PAG1: variants seen among roughly 807,000 people sequenced by gnomAD.
The protein encoded by PAG1 is phosphoprotein associated with glycosphingolipid-enriched microdomains 1.
A neutral mutation model predicts 31.7 loss-of-function variants in PAG1; 23 were observed. The ratio of observed to expected loss-of-function variants is 0.73; its 90% CI spans 0.52 to 1.03. The LOEUF (loss-of-function observed/expected upper bound fraction) is 1.03, where lower values mean the gene tolerates loss of function less well. PAG1 is among the 50% of genes least tolerant of loss of function. The pLI is 0.00. For missense variants in PAG1, 473 were observed against 540.7 expected (o/e 0.87, Z 1.24); for synonymous variants, 214 against 210.3 (o/e 1.02, Z -0.15).
chr8:81,083,232 C>T (rs1409752082), intron 1 of PAG1, among the ~76,000 whole-genome samples: 1 of 152,104 alleles, frequency 6.6e-6, no homozygotes, highest in Non-Finnish European at 1.5e-5. Flanking sequence ...AACAATACTT[C>T]CTGGCTGGGA....
At chr8:81,014,320 C>T (rs979144711) in intron 3 of PAG1, among the ~76,000 whole-genome samples, 8 of 152,210 alleles carry the variant, frequency 5.3e-5, no homozygotes, top group Non-Finnish European at 1.2e-4. Flanking sequence ...TTACTATGTG[C>T]TTAGCACTAT....
intron 1 of PAG1, among the ~76,000 whole-genome samples, chr8:81,098,443 T>A (rs948565078): frequency 6.6e-5 from 10 of 152,220 alleles, no homozygotes; most frequent in African/African-American, 2.4e-4. Context: ...TTTACTCTAG[T>A]GGATTCTCCT....
rs1367643738 is a variant in PAG1, at chr8:80,969,301, TATATTAAAAATAC to T, written c.*7230_*7242del. 6.6e-6 allele frequency: 1 copy of T among 152,200 alleles called. No homozygotes were observed. The highest frequency in any genetic ancestry group is 1.5e-5 in the Non-Finnish European group (1 of 68,034). 9.4% of individuals were successfully genotyped at this position (152,200 alleles called of 1,614,324 possible). A position where few individuals can be genotyped will look rare whatever the true frequency, so the allele number is the denominator to read the frequency against. On this transcript the variant is annotated 3_prime_UTR_variant, in exon 9 of 9. Coordinates refer to ENST00000220597, the MANE Select transcript of PAG1 (RefSeq NM_018440.4). Reference sequence around the variant, plus strand: ...CCACATCAGGTTCATTTATGAGTCTTATATTAAAAATACATAGAAGCTTGTCAAAGGAATGCTC... The same window carrying T: ...CCACATCAGGTTCATTTATGAGTCTTATAGAAGCTTGTCAAAGGAATGCTC...
rs563787512 is a variant in PAG1 at position 81,063,221 on chromosome 8, A to G, written c.-175+6891T>C. Among the ~76,000 whole-genome samples the G allele has an allele frequency of 2.6e-5, 4 of 152,334 alleles. No individual in the cohort carries two copies. In the East Asian group the frequency reaches 7.7e-4, roughly 29 times the overall value. ...TATTCGAGGCTCAGATAAGGCCATGAGAGCCAGGTACTTCCTTCTTAGGGC... is the reference window on the plus strand; with the variant it reads ...TATTCGAGGCTCAGATAAGGCCATGGGAGCCAGGTACTTCCTTCTTAGGGC... On this transcript the variant is annotated intron_variant, in intron 2 of 8. Coordinates refer to ENST00000220597, the MANE Select transcript of PAG1 (RefSeq NM_018440.4).
chr8:81,060,016 C>T (rs1191987933), intron 2 of PAG1, among the ~76,000 whole-genome samples: 1 of 150,096 alleles, frequency 6.7e-6, no homozygotes, highest in Non-Finnish European at 1.5e-5. Flanking sequence ...GAGACTCCAT[C>T]TAAAAAAAAA....
intron 1 of PAG1, among the ~76,000 whole-genome samples, chr8:81,079,732 G>A (rs1586207277): frequency 6.7e-6 from 1 of 148,876 alleles, no homozygotes; most frequent in Admixed American, 6.6e-5. Context: ...ATTATTATGC[G>A]TATCGCATGC....
intron 3 of PAG1, among the ~76,000 whole-genome samples, chr8:81,001,832 C>T (rs1257797781): frequency 6.6e-6 from 1 of 152,186 alleles, no homozygotes; most frequent in Non-Finnish European, 1.5e-5. Flanking sequence ...CACTGCCCAG[C>T]ATGCTCTCAG....
chr8:81,052,499 G>A (rs1808750133), intron 2 of PAG1, among the ~76,000 whole-genome samples: 2 of 152,158 alleles, frequency 1.3e-5, no homozygotes, highest in South Asian at 4.1e-4. Flanking sequence ...TTTCTCTAAA[G>A]CAGAATGTAA....
intron 1 of PAG1, among the ~76,000 whole-genome samples, chr8:81,080,156 G>A (rs1333667215): frequency 6.6e-6 from 1 of 152,074 alleles, no homozygotes; most frequent in Non-Finnish European, 1.5e-5. Flanking sequence ...TTGTAATGAC[G>A]AACACAGTGA....
intron 3 of PAG1, among the ~76,000 whole-genome samples, chr8:81,024,587 A>G (rs559070223): frequency 6.6e-6 from 1 of 152,338 alleles, no homozygotes; most frequent in South Asian, 2.1e-4. Context: ...GTGCCATCCC[A>G]CCACAGAGCT....
chr8:80,999,985 C>A (rs557572431), intron 3 of PAG1, among the ~76,000 whole-genome samples: 1 of 152,114 alleles, frequency 6.6e-6, no homozygotes, highest in African/African-American at 2.4e-5. Flanking sequence ...TCTGACAGAA[C>A]CCTGAGATGC....
In PAG1 at chr8:80,974,928, A is replaced by G. The variant is rs972465485; in HGVS notation, c.*1616T>C. On this transcript the variant is annotated 3_prime_UTR_variant, in exon 9 of 9. Coordinates refer to ENST00000220597, the MANE Select transcript of PAG1 (RefSeq NM_018440.4). Reference sequence around the variant, plus strand: ...AGATCTAAAGAGATGATTAAATTCAAACCAGGCTGAGCTCTTACTCTGAGC... The same window carrying G: ...AGATCTAAAGAGATGATTAAATTCAGACCAGGCTGAGCTCTTACTCTGAGC... The G allele has an allele frequency of 6.6e-6, 1 of 152,222 alleles. No homozygotes were observed. The highest frequency in any genetic ancestry group is 1.5e-5 in the Non-Finnish European group (1 of 68,036). 9.4% of individuals were successfully genotyped at this position (152,222 alleles called of 1,614,324 possible).
At chr8:81,102,030 C>G (rs961540291) in intron 1 of PAG1, among the ~76,000 whole-genome samples, 1 of 152,108 alleles carries the variant, frequency 6.6e-6, no homozygotes, top group Non-Finnish European at 1.5e-5. Context: ...GAACAGAACA[C>G]TAACTCTATG....
At chr8:81,063,663 T>C (rs1173827416) in intron 2 of PAG1, among the ~76,000 whole-genome samples, 2 of 152,170 alleles carry the variant, frequency 1.3e-5, no homozygotes, top group East Asian at 3.9e-4. Context: ...AATGACCAGG[T>C]GTTTCACGAA....
intron 2 of PAG1, among the ~76,000 whole-genome samples, chr8:81,068,053 T>C (rs1809035035): frequency 6.6e-6 from 1 of 152,188 alleles, no homozygotes; most frequent in African/African-American, 2.4e-5. Flanking sequence ...TGCAACACCA[T>C]GTCCGGCTAA....
chr8:81,108,644 A>G (rs930443621), intron 1 of PAG1, among the ~76,000 whole-genome samples: 9 of 152,100 alleles, frequency 5.9e-5, no homozygotes, highest in African/African-American at 2.2e-4. Context: ...ACTATCTAGT[A>G]TTTGGGTGAT....
At chr8:81,042,577 TCTTTAA>T (rs1385956244) in intron 2 of PAG1, among the ~76,000 whole-genome samples, 4 of 150,298 alleles carry the variant, frequency 2.7e-5, no homozygotes, top group African/African-American at 1.0e-4. Flanking sequence ...GAGTTCCCTT[TCTTTAA>T]CTTTTTGTTC....
intron 3 of PAG1, among the ~76,000 whole-genome samples, chr8:81,014,520 T>C (rs1257713146): frequency 6.6e-6 from 1 of 152,240 alleles, no homozygotes; most frequent in East Asian, 1.9e-4. Context: ...CAAACCTGTG[T>C]TGGGATGTCT....
intron 1 of PAG1, among the ~76,000 whole-genome samples, chr8:81,077,556 G>A (rs528920919): frequency 6.6e-6 from 1 of 152,274 alleles, no homozygotes; most frequent in South Asian, 2.1e-4. Flanking sequence ...AACATATGGT[G>A]ACTTTTATCG....
Sources: gnomAD v4.1 joint callset for allele counts (sites outside exome capture counted in the v4.1 genomes callset) on GRCh38, gnomAD v4.1.1 for gene constraint, MANE v1.5 for transcripts, NCBI Gene and HGNC (gene_info 2026-07-23, HGNC 2026-07-21) for gene names.